KDM1B: variants seen among roughly 807,000 people sequenced by gnomAD.
KDM1B encodes the protein lysine-specific histone demethylase 2.
A neutral mutation model predicts 107.4 loss-of-function variants in KDM1B; 63 were observed. That is an observed-to-expected ratio of 0.59 (90% CI 0.48 to 0.72). The LOEUF (loss-of-function observed/expected upper bound fraction) is 0.72. Ranked by LOEUF, KDM1B falls within the 30% of genes least tolerant of loss-of-function variation. The pLI is 0.00. For missense variants in KDM1B, 749 were observed against 1,020.8 expected (o/e 0.73, Z 3.63); for synonymous variants, 363 against 363.9 (o/e 1.00, Z 0.03).
At chr6:18,218,165 G>C (rs773879437) in intron 21 of KDM1B, among the ~76,000 whole-genome samples, 8 of 152,094 alleles carry the variant, frequency 5.3e-5, no homozygotes, top group Non-Finnish European at 8.8e-5. Flanking sequence ...CTGTGGCTCA[G>C]ACTGGAGTGC....
At chr6:18,167,137 A>T (rs1384603719) in intron 6 of KDM1B, among the ~76,000 whole-genome samples, 1 of 152,036 alleles carries the variant, frequency 6.6e-6, no homozygotes, top group Non-Finnish European at 1.5e-5. Context: ...TGGGCAGATC[A>T]CAAGGTCTAG....
rs1789959010 is a variant in KDM1B at position 18,223,568 on chromosome 6, T to C, written c.*1576T>C. ...TTTGAAATGGTTAACAGTAAATTAT[T>C]ATGTTAGTTTCCAGGCACTTGAACT... On this transcript the variant is annotated 3_prime_UTR_variant, in exon 22 of 22. Coordinates refer to ENST00000650836, the MANE Select transcript of KDM1B (RefSeq NM_001364614.2). 1 of 152,066 alleles carries C rather than the reference T, an allele frequency of 6.6e-6. No homozygotes were observed. Among genetic ancestry groups the C allele is most frequent in the Non-Finnish European group, 1.5e-5 (1 of 67,972 alleles). 9.4% of individuals were successfully genotyped at this position (152,066 alleles called of 1,614,324 possible). A position where few individuals can be genotyped will look rare whatever the true frequency, so the allele number is the denominator to read the frequency against.
chr6:18,210,345 T>TTTTTTTTTG, intron 17 of KDM1B, among the ~76,000 whole-genome samples: 1 of 37,724 alleles, frequency 2.7e-5, no homozygotes, highest in Non-Finnish European at 4.8e-5. Flanking sequence ...TTCTTTTCTT[T>TTTTTTTTTG]TTTTTTTTTT....
intron 5 of KDM1B, 125 bp downstream of exon 5, chr6:18,163,049 C>T (rs1166674279): frequency 1.6e-6 from 1 of 625,596 alleles, no homozygotes; most frequent in Non-Finnish European, 2.9e-6. Flanking sequence ...TCAGCCATGC[C>T]TGTGATGACT....
chr6:18,198,136 T>A (rs1787775227), intron 12 of KDM1B, among the ~76,000 whole-genome samples: 1 of 152,064 alleles, frequency 6.6e-6, no homozygotes, highest in Non-Finnish European at 1.5e-5. Flanking sequence ...CCTCAAGTGA[T>A]CTGCCTGCCT....
intron 7 of KDM1B, among the ~76,000 whole-genome samples, chr6:18,179,569 T>A (rs779129933): frequency 5.3e-5 from 8 of 152,224 alleles, no homozygotes; most frequent in Non-Finnish European, 1.2e-4. Flanking sequence ...TATATGGCCA[T>A]CTAGGTGGTT....
chr6:18,191,872 G>A lies in KDM1B; in HGVS notation c.969+491G>A, dbSNP rs1462123172. Among the ~76,000 whole-genome samples the A allele has an allele frequency of 6.6e-6, 1 of 152,082 alleles. No homozygotes were observed. The highest frequency in any genetic ancestry group is 2.1e-4 in the South Asian group (1 of 4,834). On this transcript the variant is annotated intron_variant, in intron 10 of 21. Transcript: ENST00000650836. The surrounding 1 kb of genome is among the most constrained non-coding windows in gnomAD (Gnocchi z 5.1). ...CCAAGACCAGTACATTTCTTCTGTTGGGTCTAAATACATGTTAGGGCTGTC... is the reference window on the plus strand; with the variant it reads ...CCAAGACCAGTACATTTCTTCTGTTAGGTCTAAATACATGTTAGGGCTGTC...
chr6:18,207,588 TG>T, intron 16 of KDM1B, 59 bp downstream of exon 16: 1 of 1,604,044 alleles, frequency 6.2e-7, no homozygotes, highest in Non-Finnish European at 8.5e-7. Flanking sequence ...TGTGAAGTTC[TG>T]GGCATGCGGC....
At position 18,217,871 on chromosome 6, in the gene KDM1B, T is replaced by G; in HGVS notation, c.2371T>G (p.Phe791Val). The G allele has an allele frequency of 6.2e-7, 1 of 1,611,736 alleles. No homozygotes were observed. The highest frequency in any genetic ancestry group is 8.5e-7 in the Non-Finnish European group (1 of 1,179,422). Residue 791 changes from phenylalanine (F) to valine (V), a missense_variant, in exon 21 of 22, where the codon TTT becomes GTT. Physicochemically the swap from Phe to Val is conservative, Grantham distance 50. Transcript: ENST00000650836. ...TGCTGAAGACATTCAAGGAACCGTC[T>G]TTTTCGCTGGTGAGGTATGGATCTT... ...IIAEDIQGTVFFAGEATNRHF... is the reference protein window; with the variant it reads ...IIAEDIQGTVVFAGEATNRHF...
chr6:18,167,630 C>T (rs940807883), intron 6 of KDM1B, among the ~76,000 whole-genome samples: 5 of 151,576 alleles, frequency 3.3e-5, no homozygotes, highest in South Asian at 2.1e-4. Flanking sequence ...CATGCTACCA[C>T]GCCCAGCTGA....
At chr6:18,177,030 T>C (rs974522456) in intron 7 of KDM1B, among the ~76,000 whole-genome samples, 3 of 152,196 alleles carry the variant, frequency 2.0e-5, no homozygotes, top group South Asian at 2.1e-4. Context: ...TGTGGAATAG[T>C]GTCAAAAGGA....
At position 18,204,214 on chromosome 6, in the gene KDM1B, T is replaced by C. The variant is rs1788225622; in HGVS notation, c.1532-1323T>C. On this transcript the variant is annotated intron_variant, in intron 14 of 21. Transcript: ENST00000650836. The surrounding 1 kb of genome is among the most constrained non-coding windows in gnomAD (Gnocchi z 4.9). ...GAAGTGTGTGACACTCTGTTAAACT[T>C]GGGATTACACCTGTAATCCCAGCAC... 6.6e-6 allele frequency among the ~76,000 whole-genome samples: 1 copy of C among 152,058 alleles called. No homozygotes were observed. The highest frequency in any genetic ancestry group is 6.6e-5 in the Admixed American group (1 of 15,266).
intron 7 of KDM1B, among the ~76,000 whole-genome samples, chr6:18,184,967 C>T (rs1388592700): frequency 1.3e-5 from 2 of 151,614 alleles, no homozygotes; most frequent in African/African-American, 2.4e-5. Flanking sequence ...TAGGCTCAAG[C>T]GATCCACCTG....
intron 12 of KDM1B, among the ~76,000 whole-genome samples, chr6:18,199,258 C>A (rs917654097): frequency 3.3e-5 from 5 of 151,986 alleles, no homozygotes; most frequent in Non-Finnish European, 5.9e-5. Flanking sequence ...CAAGGTGCAG[C>A]CTTCCTAGTT....
In KDM1B at chr6:18,197,225, T is replaced by C. The variant is rs1406820939; in HGVS notation, c.1138T>C (p.Tyr380His). The C allele has an allele frequency of 1.2e-6, 2 of 1,613,450 alleles. No individual in the cohort carries two copies. Among genetic ancestry groups the C allele is most frequent in the East Asian group, 4.5e-5 (2 of 44,868 alleles). Residue 380 changes from tyrosine (Y) to histidine (H), a missense_variant, in exon 11 of 22, where the codon TAC becomes CAC. By Grantham distance (83) the Tyr-to-His change is moderately conservative. Coordinates refer to ENST00000650836, the MANE Select transcript of KDM1B (RefSeq NM_001364614.2). This position sits in a 1 kb window ranked among gnomAD's most constrained non-coding sequence, Gnocchi z 4.5. ...GADQYLLPKDYHNKSVIIIGA... is the reference protein window; with the variant it reads ...GADQYLLPKDHHNKSVIIIGA... ...CGACCAGTATCTTCTCCCTAAGGACTACCACAATGTAGGTGATTATAGCTT... is the reference window on the plus strand; with the variant it reads ...CGACCAGTATCTTCTCCCTAAGGACCACCACAATGTAGGTGATTATAGCTT...
intron 3 of KDM1B, 72 bp from the exon 4 acceptor site, chr6:18,161,255 A>C: frequency 7.1e-7 from 1 of 1,414,050 alleles, no homozygotes; most frequent in Admixed American, 1.7e-5. Context: ...CTGTGATTTC[A>C]GTAGTGAACC....
intron 9 of KDM1B, among the ~76,000 whole-genome samples, chr6:18,189,079 C>CG (rs1787098306): frequency 6.6e-6 from 1 of 152,050 alleles, no homozygotes. Flanking sequence ...CCAGTGCACC[C>CG]GGCCTGATTA....
rs1168480785 is a variant in KDM1B at position 18,159,476 on chromosome 6, G to A, written c.-13-407G>A. 6.6e-6 allele frequency among the ~76,000 whole-genome samples: 1 copy of A among 152,176 alleles called. No homozygotes were observed. The highest frequency in any genetic ancestry group is 1.5e-5 in the Non-Finnish European group (1 of 68,030). ...TAACTACTAATAGGTAATGTTTATT[G>A]AGTACTTACGATATGCCAGTTTTGG... On this transcript the variant is annotated intron_variant, in intron 2 of 21. Transcript: ENST00000650836. This position sits in a 1 kb window ranked among gnomAD's most constrained non-coding sequence, Gnocchi z 4.5.
chr6:18,168,537 C>T (rs567616308), intron 6 of KDM1B, among the ~76,000 whole-genome samples: 90 of 152,236 alleles, frequency 5.9e-4, no homozygotes, highest in African/African-American at 1.7e-3. Context: ...TCATTTCAAG[C>T]GTTTAGCAAT....
Sources: gnomAD v4.1 joint callset for allele counts (sites outside exome capture counted in the v4.1 genomes callset) on GRCh38, gnomAD v4.1.1 for gene constraint, Gnocchi (gnomAD v3.1) non-coding constraint, MANE v1.5 for transcripts, NCBI Gene and HGNC (gene_info 2026-07-23, HGNC 2026-07-21) for gene names.